Variants in CSMD3 observed in about 807,000 individuals in gnomAD.
The protein encoded by CSMD3 is CUB and Sushi multiple domains 3.
CSMD3 carries 177 observed loss-of-function variants against 435.2 expected under a neutral mutation model. The observed-to-expected ratio is 0.41, with a 90% confidence interval of 0.36 to 0.46. The LOEUF (loss-of-function observed/expected upper bound fraction) is 0.46. Ranked by LOEUF, CSMD3 falls within the 20% of genes least tolerant of loss-of-function variation. CSMD3 has a pLI of 0.34. For missense variants in CSMD3, 4,265 were observed against 4,504.6 expected, an observed-to-expected ratio of 0.95 and a Z score of 1.52; for synonymous variants, 1,656 against 1,520.5, an observed-to-expected ratio of 1.09 and a Z score of -2.07.
At chr8:112,347,148 G>C (rs6469413) in intron 40 of CSMD3, among the ~76,000 whole-genome samples, 1 of 151,744 alleles carries the variant, frequency 6.6e-6, no homozygotes, top group Middle Eastern at 3.2e-3. Context: ...TGCTTGTCTT[G>C]GAATCCCTAT....
chr8:113,061,224 T>C (rs1395077165), intron 5 of CSMD3, among the ~76,000 whole-genome samples: 1 of 152,144 alleles, frequency 6.6e-6, no homozygotes, highest in African/African-American at 2.4e-5. Context: ...CACATCACTC[T>C]TGTGTTTTGG....
chr8:112,676,110 A>G (rs1490268466), intron 16 of CSMD3, among the ~76,000 whole-genome samples: 4 of 152,140 alleles, frequency 2.6e-5, no homozygotes, highest in Non-Finnish European at 5.9e-5. Context: ...GTGGGGAGAC[A>G]TATCAGTTTC....
At chr8:112,411,422 T>C (rs1382789838) in intron 32 of CSMD3, among the ~76,000 whole-genome samples, 2 of 151,940 alleles carry the variant, frequency 1.3e-5, no homozygotes, top group Non-Finnish European at 1.5e-5. Context: ...AGCAAGCCAC[T>C]TTTCTTTAAA....
intron 45 of CSMD3, among the ~76,000 whole-genome samples, chr8:112,322,642 G>C (rs1288310025): frequency 6.6e-6 from 1 of 152,008 alleles, no homozygotes; most frequent in African/African-American, 2.4e-5. Flanking sequence ...CTGACTCTGT[G>C]TCTCAATTCC....
chr8:113,277,696 C>T (rs2093582364), intron 3 of CSMD3, among the ~76,000 whole-genome samples: 1 of 151,670 alleles, frequency 6.6e-6, no homozygotes, highest in Admixed American at 6.6e-5. Flanking sequence ...GTAATATGGT[C>T]CTGGGGAGAT....
At chr8:112,707,487 A>AG (rs1456618139) in intron 13 of CSMD3, among the ~76,000 whole-genome samples, 2 of 143,118 alleles carry the variant, frequency 1.4e-5, no homozygotes, top group African/African-American at 2.7e-5. Context: ...GTGCGGCGGG[A>AG]GGGGGGTGGT....
At chr8:112,352,708 A>G (rs547151741) in intron 38 of CSMD3, among the ~76,000 whole-genome samples, 174 bp from the exon 39 acceptor site, 1 of 152,300 alleles carries the variant, frequency 6.6e-6, no homozygotes, top group South Asian at 2.1e-4. Flanking sequence ...AATAATGCAC[A>G]TTTGAACATC....
intron 23 of CSMD3, among the ~76,000 whole-genome samples, chr8:112,579,447 A>G (rs930610053): frequency 1.3e-5 from 2 of 152,068 alleles, no homozygotes; most frequent in Admixed American, 1.3e-4. Flanking sequence ...TGGTATTTCT[A>G]CCATAGGGAT....
At chr8:112,876,567 A>C (rs1010412690) in intron 10 of CSMD3, among the ~76,000 whole-genome samples, 6 of 152,180 alleles carry the variant, frequency 3.9e-5, no homozygotes, top group Non-Finnish European at 7.3e-5. Flanking sequence ...CATAAAGAGA[A>C]CTAATGACAA....
At chr8:112,594,349 C>A (rs2131381454) in intron 22 of CSMD3, among the ~76,000 whole-genome samples, 1 of 152,330 alleles carries the variant, frequency 6.6e-6, no homozygotes, top group South Asian at 2.1e-4. Context: ...ATATCCCGCA[C>A]CCGGCTCGGA....
chr8:113,064,781 C>A (rs1434415775), intron 5 of CSMD3, among the ~76,000 whole-genome samples: 2 of 151,948 alleles, frequency 1.3e-5, no homozygotes, highest in Non-Finnish European at 2.9e-5. Context: ...TTTTTCTTTT[C>A]TTTTCTTTTA....
At chr8:112,451,388 A>G (rs1473038582) in intron 32 of CSMD3, among the ~76,000 whole-genome samples, 1 of 152,174 alleles carries the variant, frequency 6.6e-6, no homozygotes, top group Admixed American at 6.5e-5. Context: ...AAGAAAAAAT[A>G]ATAGAGCATT....
intron 27 of CSMD3, among the ~76,000 whole-genome samples, chr8:112,520,549 A>G (rs1824176711): frequency 6.6e-6 from 1 of 152,024 alleles, no homozygotes; most frequent in East Asian, 1.9e-4. Context: ...AATTCGACCA[A>G]TTTGAAATGG....
chr8:112,547,154 C>G (rs1034891538), intron 27 of CSMD3, among the ~76,000 whole-genome samples: 1 of 152,058 alleles, frequency 6.6e-6, no homozygotes, highest in Non-Finnish European at 1.5e-5. Flanking sequence ...GTAGGAGCAT[C>G]CTGGTTTGTG....
intron 12 of CSMD3, among the ~76,000 whole-genome samples, chr8:112,809,052 G>A (rs1157316834): frequency 6.6e-6 from 1 of 152,140 alleles, no homozygotes; most frequent in Non-Finnish European, 1.5e-5. Context: ...AATGACATCT[G>A]CAAACAAGCG....
At chr8:113,382,366 A>G (rs1160023782) in intron 1 of CSMD3, among the ~76,000 whole-genome samples, 1 of 152,172 alleles carries the variant, frequency 6.6e-6, no homozygotes, top group African/African-American at 2.4e-5. Flanking sequence ...TGAGTTCACA[A>G]TAAGTGATGA....
chr8:112,302,795 T>A (rs1284804261), intron 52 of CSMD3, among the ~76,000 whole-genome samples: 1 of 151,750 alleles, frequency 6.6e-6, no homozygotes, highest in African/African-American at 2.4e-5. Context: ...AATGTACTGA[T>A]GATTTTGAGC....
At chr8:112,522,580 AAATG>A (rs1457153961) in intron 27 of CSMD3, among the ~76,000 whole-genome samples, 1 of 151,938 alleles carries the variant, frequency 6.6e-6, no homozygotes, top group Non-Finnish European at 1.5e-5. Flanking sequence ...ATGAATGAAT[AAATG>A]AATGAACAAA....
intron 35 of CSMD3, 22 bp from the exon 36 acceptor site, chr8:112,390,810 AGAGG>A (rs763011949): frequency 1.2e-6 from 2 of 1,610,346 alleles, no homozygotes; most frequent in Admixed American, 3.3e-5. Context: ...GCAGTCCAAG[AGAGG>A]GAGTTAATTC....
Sources: allele counts gnomAD v4.1 joint callset (sites outside exome capture counted in the v4.1 genomes callset), GRCh38; gene constraint gnomAD v4.1.1; transcripts MANE v1.5; gene names NCBI Gene and HGNC (gene_info 2026-07-23, HGNC 2026-07-21).